The following CEACAM18 variants were observed in gnomAD, a reference collection of about 807,000 sequenced individuals.
The protein encoded by CEACAM18 is CEA cell adhesion molecule 18, also known as cell adhesion molecule CEACAM18.
A neutral mutation model predicts 34.3 loss-of-function variants in CEACAM18; 33 were observed. The ratio of observed to expected loss-of-function variants is 0.96; its 90% CI spans 0.73 to 1.29. The LOEUF (loss-of-function observed/expected upper bound fraction) is 1.29. CEACAM18 is among the 50% of genes most tolerant of loss of function. The pLI, the probability that CEACAM18 is intolerant of heterozygous loss-of-function variation, is 0.00. For missense variants in CEACAM18, 474 were observed against 485.0 expected, an observed-to-expected ratio of 0.98 and a Z score of 0.21; for synonymous variants, 169 against 180.9, an observed-to-expected ratio of 0.93 and a Z score of 0.53.
chr19:51,481,358 A>C, intron 2 of CEACAM18, 35 bp from the exon 3 acceptor site: 3 of 1,601,676 alleles, frequency 1.9e-6, no homozygotes, highest in Non-Finnish European at 2.6e-6. Flanking sequence ...AGCAGACCCC[A>C]CTTGTAATTT....
At chr19:51,490,606 G>A in exon 6 of CEACAM18, 5 of 1,232,366 alleles carry the variant, frequency 4.1e-6, no homozygotes, top group Non-Finnish European at 5.1e-6. Context: ...GGCTCCATGA[G>A]TGTCCACCCC....
rs185263162 is a variant in CEACAM18, at chr19:51,481,666, G to C, written c.673+1G>C. 3.1e-6 allele frequency: 5 copies of C among 1,609,488 alleles called. No individual in the cohort carries two copies. In the Admixed American group the frequency reaches 6.7e-5, roughly 22 times the overall value. On this transcript the variant is annotated splice_donor_variant, in intron 3 of 5. Coordinates refer to ENST00000396477, the Ensembl canonical transcript of CEACAM18. LOFTEE classifies it high-confidence loss of function. ...GAACGCATCTCTCTGACTGTGGCCT[G>C]TGAGTGGTCTGGGCTCCTGGGACTG... is the stretch of plus-strand genomic sequence containing the variant.
chr19:51,480,774 G>T, intron 2 of CEACAM18, 94 bp downstream of exon 2: 3 of 1,198,396 alleles, frequency 2.5e-6, no homozygotes, highest in African/African-American at 3.1e-5. Context: ...GACACCGGGA[G>T]TGGAAATCAC....
chr19:51,481,253 C>G, intron 2 of CEACAM18, 140 bp from the exon 3 acceptor site: 1 of 910,202 alleles, frequency 1.1e-6, no homozygotes. Context: ...CTGCCCTTCT[C>G]AGCTCCCTTG....
chr19:51,480,237 G>T, intron 1 of CEACAM18, 96 bp from the exon 2 acceptor site: 2 of 1,032,862 alleles, frequency 1.9e-6, no homozygotes. Context: ...GCGTCTCTGG[G>T]AATCGTTCCC....
chr19:51,487,400 G>A (rs972555321), intron 5 of CEACAM18, among the ~76,000 whole-genome samples: 1 of 152,122 alleles, frequency 6.6e-6, no homozygotes, highest in Non-Finnish European at 1.5e-5. Flanking sequence ...TCTTGAGCCC[G>A]AGAGGCAGAG....
exon 2 of CEACAM18, chr19:51,480,661 C>A (rs772750948): frequency 1.9e-5 from 30 of 1,612,506 alleles, no homozygotes; most frequent in South Asian, 3.3e-5. Context: ...AAAGAGCAAC[C>A]GGCTGGCTGG....
intron 5 of CEACAM18, among the ~76,000 whole-genome samples, chr19:51,486,792 A>G (rs1599945735): frequency 6.9e-6 from 1 of 145,116 alleles, no homozygotes; most frequent in Non-Finnish European, 1.5e-5. Context: ...ATCTCAGCTC[A>G]CTGCAAGCTC....
At chr19:51,485,262 A>T in intron 5 of CEACAM18, 140 bp downstream of exon 5, 2 of 830,194 alleles carry the variant, frequency 2.4e-6, no homozygotes, top group Non-Finnish European at 3.6e-6. Flanking sequence ...CATCTGGGGC[A>T]GACAGATCAG....
At chr19:51,484,527 G>T (rs1257871399) in intron 4 of CEACAM18, among the ~76,000 whole-genome samples, 2 of 152,128 alleles carry the variant, frequency 1.3e-5, no homozygotes, top group African/African-American at 2.4e-5. Context: ...TCACCATGTT[G>T]CCCAGGCTGG....
At chr19:51,479,350 A>T (rs1290050519) in intron 1 of CEACAM18, among the ~76,000 whole-genome samples, 1 of 151,944 alleles carries the variant, frequency 6.6e-6, no homozygotes, top group Non-Finnish European at 1.5e-5. Context: ...CTCCATTCAC[A>T]CCCACTCCAG....
intron 5 of CEACAM18, among the ~76,000 whole-genome samples, chr19:51,486,465 G>T (rs1370665157): frequency 6.6e-6 from 1 of 152,010 alleles, no homozygotes; most frequent in Non-Finnish European, 1.5e-5. Flanking sequence ...TTTCTTAGGG[G>T]ATTTTCCAAG....
At chr19:51,490,286 G>T (rs1202298620) in intron 5 of CEACAM18, among the ~76,000 whole-genome samples, 2 of 152,142 alleles carry the variant, frequency 1.3e-5, no homozygotes, top group Non-Finnish European at 2.9e-5. Flanking sequence ...CATCATTGTT[G>T]TGATCCCTCA....
chr19:51,481,238 T>C (rs1251899846), intron 2 of CEACAM18, among the ~76,000 whole-genome samples, 155 bp from the exon 3 acceptor site: 2 of 152,198 alleles, frequency 1.3e-5, no homozygotes, highest in African/African-American at 4.8e-5. Flanking sequence ...CCTGTGCCTA[T>C]TCCTCTGCCC....
chr19:51,486,800 C>T (rs1033143610), intron 5 of CEACAM18, among the ~76,000 whole-genome samples: 2 of 150,634 alleles, frequency 1.3e-5, no homozygotes, highest in African/African-American at 4.9e-5. Flanking sequence ...TCACTGCAAG[C>T]TCCGCCTCCC....
intron 3 of CEACAM18, 92 bp from the exon 4 acceptor site, chr19:51,482,925 A>G: frequency 6.7e-7 from 1 of 1,500,260 alleles, no homozygotes. Context: ...CGAGGTGCAC[A>G]ATGGGGAACC....
chr19:51,483,001 T>C lies in CEACAM18; in HGVS notation c.674-16T>C. The C allele has an allele frequency of 6.2e-7, 1 of 1,611,236 alleles. No homozygotes were observed. The highest frequency in any genetic ancestry group is 1.3e-5 in the African/African-American group (1 of 75,024). On this transcript the variant is annotated splice_polypyrimidine_tract_variant and intron_variant, in intron 3 of 5. Transcript: ENST00000396477. ...GGTCAGAAACATAGCCTGGGCCTCC[T>C]ACCCTGTCTCTACAGATGGGCCCGA...
At chr19:51,481,720 G>C in intron 3 of CEACAM18, 55 bp downstream of exon 3, 1 of 1,553,116 alleles carries the variant, frequency 6.4e-7, no homozygotes, top group Non-Finnish European at 8.7e-7. Context: ...GGGCTTTCTA[G>C]GGATAGGAAT....
chr19:51,483,679 T>C (rs185596129), intron 4 of CEACAM18, among the ~76,000 whole-genome samples: 1 of 152,352 alleles, frequency 6.6e-6, no homozygotes, highest in East Asian at 1.9e-4. Context: ...TTCAAGGCTC[T>C]ATTGCTTTGT....
Sources: gnomAD v4.1 joint callset for allele counts (sites outside exome capture counted in the v4.1 genomes callset) on GRCh38, gnomAD v4.1.1 for gene constraint, MANE v1.5 for transcripts, NCBI Gene and HGNC (gene_info 2026-07-23, HGNC 2026-07-21) for gene names.